RNF38: variants seen among roughly 807,000 people sequenced by gnomAD.
The protein encoded by RNF38 is E3 ubiquitin-protein ligase RNF38.
RNF38 carries 15 observed loss-of-function variants against 67.2 expected under a neutral mutation model. That is an observed-to-expected ratio of 0.22 (90% confidence interval 0.15 to 0.34). The LOEUF (loss-of-function observed/expected upper bound fraction) is 0.34. RNF38 is among the 10% of genes least tolerant of loss of function. RNF38 has a pLI of 1.00. For missense variants in RNF38, 524 were observed against 639.9 expected, an observed-to-expected ratio of 0.82 and a Z score of 1.95; for synonymous variants, 220 against 218.8, an observed-to-expected ratio of 1.01 and a Z score of -0.05.
chr9:36,383,733 A>G (rs1237122863), intron 2 of RNF38, among the ~76,000 whole-genome samples: 1 of 151,896 alleles, frequency 6.6e-6, no homozygotes, highest in Non-Finnish European at 1.5e-5. Flanking sequence ...TGTTTTCAAA[A>G]GTTACCATGT....
At chr9:36,455,050 G>A (rs1839554324) in intron 1 of RNF38, among the ~76,000 whole-genome samples, 1 of 151,834 alleles carries the variant, frequency 6.6e-6, no homozygotes. Context: ...AACATAAACT[G>A]CAAATGCAAT....
chr9:36,353,460 T>A, intron 6 of RNF38, 129 bp from the exon 7 acceptor site: 1 of 531,200 alleles, frequency 1.9e-6, no homozygotes. Context: ...CATCTCTTGA[T>A]ATTCACATGA....
chr9:36,443,792 A>T (rs1170630228), intron 1 of RNF38, among the ~76,000 whole-genome samples: 1 of 152,272 alleles, frequency 6.6e-6, no homozygotes, highest in Non-Finnish European at 1.5e-5. Flanking sequence ...AGAGGTGCTC[A>T]GGGAGAGCGA....
intron 6 of RNF38, among the ~76,000 whole-genome samples, chr9:36,354,505 T>G (rs903066449): frequency 6.6e-6 from 1 of 152,252 alleles, no homozygotes; most frequent in Non-Finnish European, 1.5e-5. Flanking sequence ...TTCATGTAAA[T>G]GGAACCAGTT....
intron 2 of RNF38, among the ~76,000 whole-genome samples, chr9:36,389,196 C>G (rs1836877849): frequency 6.6e-6 from 1 of 152,106 alleles, no homozygotes. Flanking sequence ...TACATTGCAT[C>G]TTTCTGCAAC....
rs138507500 is a variant in RNF38 at position 36,353,879 on chromosome 9, C to T, written c.910-548G>A. Among the ~76,000 whole-genome samples the T allele has an allele frequency of 2.3e-3, 357 of 152,224 alleles. 4 individuals carry two copies. Among genetic ancestry groups the T allele is most frequent in the African/African-American group, 8.2e-3 (339 of 41,532 alleles). On this transcript the variant is annotated intron_variant, in intron 6 of 11. Coordinates refer to ENST00000259605, the MANE Select transcript of RNF38 (RefSeq NM_022781.5). Reference sequence around the variant, plus strand: ...TTTCAGATAAATTACTTAATCTGAACCTCAGTATTGTCATCTATAAAACCG... The same window carrying T: ...TTTCAGATAAATTACTTAATCTGAATCTCAGTATTGTCATCTATAAAACCG...
chr9:36,487,197 C>A (rs1174053101), intron 1 of RNF38: 10 of 693,098 alleles, frequency 1.4e-5, no homozygotes, highest in Non-Finnish European at 1.6e-5. Flanking sequence ...CTGACCCGGA[C>A]AACGCTCCTC....
rs1331560409 is a variant in RNF38, at chr9:36,372,505, T to C, written c.357-2573A>G. 1.4e-5 allele frequency: 10 copies of C among 712,186 alleles called. No homozygotes were observed. In the African/African-American group the frequency reaches 1.8e-4, roughly 13 times the overall value. The allele number at this position is 712,186 out of a possible 1,614,324, so 44.1% of individuals were successfully genotyped here. A position where few individuals can be genotyped will look rare whatever the true frequency, so the allele number is the denominator to read the frequency against. On this transcript the variant is annotated intron_variant, in intron 3 of 11. Transcript: ENST00000259605. The stretch of plus-strand genomic sequence containing the variant: ...CTAGCTTTGTGCTCACCTCTGTAAC[T>C]GAAATCCTGCTAGATTATTGTTAAA...
intron 1 of RNF38, among the ~76,000 whole-genome samples, chr9:36,460,272 C>T (rs1385881272): frequency 1.3e-5 from 2 of 152,090 alleles, no homozygotes; most frequent in African/African-American, 4.8e-5. Context: ...TGATGGTTTA[C>T]TTCTCTCGCA....
At position 36,400,256 on chromosome 9, in the gene RNF38, G is replaced by A; in HGVS notation, c.-148C>T. On this transcript the variant is annotated 5_prime_UTR_variant, in exon 1 of 12. Coordinates refer to ENST00000259605, the MANE Select transcript of RNF38 (RefSeq NM_022781.5). ...AAACGCAGCCTATCCAGAAACCCAC[G>A]GAAGCAGAAGGACGCCAGAGAGGAC... The A allele has an allele frequency of 2.9e-6, 4 of 1,370,328 alleles. No homozygotes were observed. In the South Asian group the frequency reaches 7.2e-5, roughly 25 times the overall value. 84.9% of individuals were successfully genotyped at this position (1,370,328 alleles called of 1,614,324 possible).
At chr9:36,386,045 A>C (rs1836607455) in intron 2 of RNF38, among the ~76,000 whole-genome samples, 1 of 152,206 alleles carries the variant, frequency 6.6e-6, no homozygotes, top group Admixed American at 6.5e-5. Flanking sequence ...ACCAGAATAA[A>C]CAAACTTATT....
chr9:36,404,156 T>C (rs1448379840), upstream of RNF38, among the ~76,000 whole-genome samples: 1 of 152,246 alleles, frequency 6.6e-6, no homozygotes, highest in Non-Finnish European at 1.5e-5. Flanking sequence ...TCAAGTGCCC[T>C]CTTCCCCATA....
Position 36,464,857 on chromosome 9 carries a change from TGCAAAGAAAAAA to T in RNF38, n.241+22439_241+22450del, listed in dbSNP as rs575510114. Among the ~76,000 whole-genome samples, 17 of 152,264 alleles carry T rather than the reference TGCAAAGAAAAAA, an allele frequency of 1.1e-4. 1 individual carries two copies. The South Asian group carries it at 3.5e-3, about 32-fold the overall frequency. On this transcript the variant is annotated intron_variant and non_coding_transcript_variant, in intron 1 of 3. Transcript: ENST00000488058. ...TAAAGATAACATAAAATTCCAGATT[TGCAAAGAAAAAA>T]GTAAAGAAAGCAAATGTACTAAAAT...
chr9:36,484,869 TAA>T (rs1587228610), intron 1 of RNF38, among the ~76,000 whole-genome samples: 1 of 152,136 alleles, frequency 6.6e-6, no homozygotes, highest in Non-Finnish European at 1.5e-5. Flanking sequence ...TGGGTCTATC[TAA>T]AAATGTATGT....
rs1838820811 is a variant in RNF38 at position 36,427,990 on chromosome 9, G to GT, written n.242-3308dup. 2.0e-5 allele frequency among the ~76,000 whole-genome samples: 3 copies of GT among 151,382 alleles called. No homozygotes were observed. In the South Asian group the frequency reaches 6.4e-4, roughly 32 times the overall value. On this transcript the variant is annotated intron_variant and non_coding_transcript_variant, in intron 1 of 3. Transcript: ENST00000488058. ...CTCCCAAAGTACTGAGATTACAGGC[G>GT]TTAGCCACTGCACCCAGACAAATTT...
At chr9:36,445,154 T>G (rs1839272766) in intron 1 of RNF38, among the ~76,000 whole-genome samples, 1 of 152,084 alleles carries the variant, frequency 6.6e-6, no homozygotes, top group Non-Finnish European at 1.5e-5. Context: ...CATTCTAGAA[T>G]GACAGAGAAG....
chr9:36,445,990 G>C (rs772352421), intron 1 of RNF38, among the ~76,000 whole-genome samples: 1 of 152,146 alleles, frequency 6.6e-6, no homozygotes, highest in Non-Finnish European at 1.5e-5. Flanking sequence ...CATTCTGCTT[G>C]AATCCAGTCC....
chr9:36,406,768 C>A (rs1223927389), intron 2 of RNF38, among the ~76,000 whole-genome samples: 2 of 152,310 alleles, frequency 1.3e-5, no homozygotes, highest in Admixed American at 6.5e-5. Flanking sequence ...AAAAGGGATG[C>A]AGAAAAAATA....
intron 2 of RNF38, among the ~76,000 whole-genome samples, chr9:36,416,061 T>A (rs7030673): frequency 6.6e-6 from 1 of 151,686 alleles, no homozygotes; most frequent in Non-Finnish European, 1.5e-5. Context: ...GGTGGCACCA[T>A]AGAGCTCTCA....
Sources: allele counts gnomAD v4.1 joint callset (sites outside exome capture counted in the v4.1 genomes callset), GRCh38; gene constraint gnomAD v4.1.1; transcripts MANE v1.5; gene names NCBI Gene and HGNC (gene_info 2026-07-23, HGNC 2026-07-21).